The following LRP1B variants were observed in gnomAD, a reference collection of about 807,000 sequenced individuals.
LRP1B encodes the protein low-density lipoprotein receptor-related protein 1B.
In LRP1B, 217 loss-of-function variants were observed where a neutral mutation model predicts 556.6. That is an observed-to-expected ratio of 0.39 (90% confidence interval 0.35 to 0.44). LRP1B has a LOEUF of 0.44. Ranked by LOEUF, LRP1B falls within the 20% of genes least tolerant of loss-of-function variation. The pLI, the probability that LRP1B is intolerant of heterozygous loss-of-function variation, is 1.00. For synonymous variants in LRP1B, 2,047 were observed against 1,865.8 expected (o/e 1.10, Z -2.50); for missense variants, 5,053 against 5,620.8 (o/e 0.90, Z 3.23).
At chr2:141,247,434 T>C in intron 4 of LRP1B, 80 bp from the exon 5 acceptor site, 1 of 1,539,740 alleles carries the variant, frequency 6.5e-7, no homozygotes, top group Non-Finnish European at 8.8e-7. Context: ...ATATTATTTT[T>C]GAACTTCGGA....
chr2:141,134,575 C>T (rs1046957869), intron 7 of LRP1B, among the ~76,000 whole-genome samples: 5 of 151,594 alleles, frequency 3.3e-5, no homozygotes, highest in African/African-American at 9.7e-5. Flanking sequence ...TTATCTGTCC[C>T]TTAATGGGTT....
intron 41 of LRP1B, among the ~76,000 whole-genome samples, chr2:140,657,961 G>T (rs1321412116): frequency 1.3e-5 from 2 of 151,884 alleles, no homozygotes; most frequent in Non-Finnish European, 2.9e-5. Context: ...TGATCCATGG[G>T]CCCAAGGATT....
intron 66 of LRP1B, among the ~76,000 whole-genome samples, chr2:140,439,803 G>C (rs1257485691): frequency 6.6e-6 from 1 of 151,908 alleles, no homozygotes; most frequent in African/African-American, 2.4e-5. Flanking sequence ...TGTCAAAATT[G>C]TGAGTACTCG....
chr2:140,576,542 G>A (rs1361959500), intron 43 of LRP1B, among the ~76,000 whole-genome samples: 1 of 152,098 alleles, frequency 6.6e-6, no homozygotes, highest in Non-Finnish European at 1.5e-5. Context: ...TATTTTTGAG[G>A]TCAGATATCC....
chr2:141,036,287 T>C (rs1479698331), intron 11 of LRP1B, among the ~76,000 whole-genome samples: 1 of 152,082 alleles, frequency 6.6e-6, no homozygotes, highest in Non-Finnish European at 1.5e-5. Flanking sequence ...TGTGGTTTAA[T>C]GTGATAATTT....
chr2:140,235,667 C>T (rs769171994), intron 89 of LRP1B, among the ~76,000 whole-genome samples: 29 of 151,010 alleles, frequency 1.9e-4, no homozygotes, highest in Non-Finnish European at 3.4e-4. Flanking sequence ...GTTCTAAGTA[C>T]ATTAAAATAT....
chr2:141,264,678 CT>C (rs1268627530), intron 3 of LRP1B, among the ~76,000 whole-genome samples: 3 of 152,324 alleles, frequency 2.0e-5, no homozygotes, highest in East Asian at 3.9e-4. Flanking sequence ...TGGTGTCGAA[CT>C]GCTGACCTCA....
intron 41 of LRP1B, among the ~76,000 whole-genome samples, chr2:140,630,728 A>C (rs1167542548): frequency 1.3e-5 from 2 of 152,192 alleles, no homozygotes; most frequent in African/African-American, 4.8e-5. Flanking sequence ...TAAAAAATAA[A>C]CTCAGAATTC....
At chr2:140,714,269 C>T (rs1192685052) in intron 37 of LRP1B, among the ~76,000 whole-genome samples, 1 of 152,106 alleles carries the variant, frequency 6.6e-6, no homozygotes, top group African/African-American at 2.4e-5. Context: ...TGTCCTAGCT[C>T]ACAGTGCCTA....
At chr2:141,276,570 A>G (rs544118422) in intron 3 of LRP1B, among the ~76,000 whole-genome samples, 4 of 151,902 alleles carry the variant, frequency 2.6e-5, no homozygotes, top group Non-Finnish European at 5.9e-5. Flanking sequence ...TTCCTGCATT[A>G]GTTTGCTTAG....
chr2:140,495,278 A>G (rs1198325088), intron 56 of LRP1B, among the ~76,000 whole-genome samples: 1 of 151,636 alleles, frequency 6.6e-6, no homozygotes, highest in East Asian at 1.9e-4. Flanking sequence ...TCCCAAGAAC[A>G]TGTGATTCAG....
At chr2:141,063,562 C>T (rs149643534) in intron 7 of LRP1B, among the ~76,000 whole-genome samples, 147 of 151,876 alleles carry the variant, frequency 9.7e-4, no homozygotes, top group African/African-American at 3.4e-3. Context: ...AAAGGGCACA[C>T]CCTGCATTCT....
In LRP1B at chr2:140,234,768, C is replaced by T. The variant is rs13387241; in HGVS notation, c.13659+18G>A. The T allele has an allele frequency of 2.6e-6, 2 of 770,366 alleles. No individual in the cohort carries two copies. Among genetic ancestry groups the T allele is most frequent in the South Asian group, 2.7e-5 (2 of 73,650 alleles). 47.7% of individuals were successfully genotyped at this position (770,366 alleles called of 1,614,324 possible). A position where few individuals can be genotyped will look rare whatever the true frequency, so the allele number is the denominator to read the frequency against. Reference sequence around the variant, plus strand: ...CTGTGATGAAACGGACATGAAATAACGAATATTCTTCTCTCACCCCAGCAG... The same window carrying T: ...CTGTGATGAAACGGACATGAAATAATGAATATTCTTCTCTCACCCCAGCAG... On this transcript the variant is annotated intron_variant, in intron 90 of 90. Transcript: ENST00000389484.
At chr2:140,345,809 CATAT>C (rs1177378557) in intron 77 of LRP1B, among the ~76,000 whole-genome samples, 3 of 137,766 alleles carry the variant, frequency 2.2e-5, no homozygotes, top group African/African-American at 8.3e-5. Flanking sequence ...CATATATACA[CATAT>C]ATATACATAT....
intron 7 of LRP1B, among the ~76,000 whole-genome samples, chr2:141,082,579 G>T (rs1558848025): frequency 6.6e-6 from 1 of 152,156 alleles, no homozygotes; most frequent in South Asian, 2.1e-4. Flanking sequence ...AACTCTTATC[G>T]TGGAGAATTT....
intron 7 of LRP1B, among the ~76,000 whole-genome samples, chr2:141,100,629 A>AG (rs1700437435): frequency 1.3e-5 from 2 of 152,146 alleles, no homozygotes; most frequent in East Asian, 3.9e-4. Context: ...GATGTGGGGT[A>AG]CCTAGAAGAA....
intron 1 of LRP1B, among the ~76,000 whole-genome samples, chr2:141,878,366 T>A (rs1001853386): frequency 6.7e-6 from 1 of 149,028 alleles, no homozygotes; most frequent in South Asian, 2.1e-4. Context: ...CGGCAAAAAA[T>A]AACAACAACA....
At chr2:141,385,049 G>T (rs1332413792) in intron 3 of LRP1B, among the ~76,000 whole-genome samples, 1 of 152,116 alleles carries the variant, frequency 6.6e-6, no homozygotes, top group East Asian at 1.9e-4. Flanking sequence ...TGGACTCGGG[G>T]TACCCGCTGG....
At chr2:141,260,262 T>A (rs952784758) in intron 3 of LRP1B, among the ~76,000 whole-genome samples, 1 of 152,224 alleles carries the variant, frequency 6.6e-6, no homozygotes, top group African/African-American at 2.4e-5. Flanking sequence ...GCAATGTACA[T>A]CCACATTGAA....
Sources: gnomAD v4.1 joint callset for allele counts (sites outside exome capture counted in the v4.1 genomes callset) on GRCh38, gnomAD v4.1.1 for gene constraint, MANE v1.5 for transcripts, NCBI Gene and HGNC (gene_info 2026-07-23, HGNC 2026-07-21) for gene names.